OSBPL1A: variants seen among roughly 807,000 people sequenced by gnomAD.
OSBPL1A encodes oxysterol binding protein like 1A, also known as oxysterol-binding protein-related protein 1.
In OSBPL1A, 80 loss-of-function variants were observed where a neutral mutation model predicts 137.1. The observed-to-expected ratio is 0.58, with a 90% confidence interval of 0.49 to 0.70. The LOEUF (loss-of-function observed/expected upper bound fraction) is 0.70, where lower values mean the gene tolerates loss of function less well. Among genes scored for constraint, OSBPL1A ranks in the 30% least tolerant of loss-of-function variants. The pLI, the probability that OSBPL1A is intolerant of heterozygous loss-of-function variation, is 0.00. For missense variants in OSBPL1A, 970 were observed against 1,129.4 expected, an observed-to-expected ratio of 0.86 and a Z score of 2.02; for synonymous variants, 365 against 389.7, an observed-to-expected ratio of 0.94 and a Z score of 0.75.
At chr18:24,311,552 A>G (rs1223191320) in intron 13 of OSBPL1A, 1 of 966,812 alleles carries the variant, frequency 1.0e-6, no homozygotes, top group African/African-American at 1.8e-5. Context: ...CAACCAAGCT[A>G]CAGATTACAA....
intron 15 of OSBPL1A, among the ~76,000 whole-genome samples, chr18:24,280,103 G>A (rs1250881422): frequency 4.6e-5 from 7 of 152,102 alleles, no homozygotes; most frequent in Admixed American, 2.6e-4. Flanking sequence ...GCGCCACCAC[G>A]CCTGGCTAAT....
At chr18:24,377,046 T>C (rs1001620497) in intron 2 of OSBPL1A, among the ~76,000 whole-genome samples, 1 of 152,198 alleles carries the variant, frequency 6.6e-6, no homozygotes, top group Admixed American at 6.5e-5. Flanking sequence ...AGTGCAGCGA[T>C]GGGCTGAAGG....
At position 24,167,481 on chromosome 18, in the gene OSBPL1A, A is replaced by C. The variant is rs376586496; in HGVS notation, c.2419-36T>G. 6.9e-5 allele frequency: 108 copies of C among 1,561,942 alleles called. 1 individual carries two copies. The highest frequency in any genetic ancestry group is 9.4e-5 in the Non-Finnish European group (106 of 1,132,544). On this transcript the variant is annotated intron_variant, in intron 24 of 27. Coordinates refer to ENST00000319481, the MANE Select transcript of OSBPL1A (RefSeq NM_080597.4). The stretch of plus-strand genomic sequence containing the variant: ...CAATCAATGAACAAAATTTAAGTAG[A>C]AAGTTTTAAGATACAGTCAAGCACC...
At chr18:24,171,315 A>G in intron 23 of OSBPL1A, 94 bp downstream of exon 23, 1 of 947,188 alleles carries the variant, frequency 1.1e-6, no homozygotes, top group South Asian at 1.6e-5. Flanking sequence ...TATAGGTGTG[A>G]GCCACTGTGC....
intron 15 of OSBPL1A, among the ~76,000 whole-genome samples, chr18:24,256,562 A>C (rs1395520620): frequency 6.6e-6 from 1 of 152,218 alleles, no homozygotes; most frequent in Non-Finnish European, 1.5e-5. Flanking sequence ...GGAACACAAC[A>C]AACGTTCACT....
chr18:24,253,167 C>A (rs55639059), intron 15 of OSBPL1A, among the ~76,000 whole-genome samples: 1 of 95,042 alleles, frequency 1.1e-5, no homozygotes, highest in African/African-American at 3.3e-5. Context: ...AAAGACATGG[C>A]GGGGGGGGGC....
chr18:24,241,364 T>A (rs906836323), intron 15 of OSBPL1A, among the ~76,000 whole-genome samples: 1 of 152,200 alleles, frequency 6.6e-6, no homozygotes, highest in Non-Finnish European at 1.5e-5. Context: ...GAGAAAATTT[T>A]TGCAATCTAT....
At chr18:24,396,940 C>T (rs1194089770) in intron 1 of OSBPL1A, among the ~76,000 whole-genome samples, 1 of 151,080 alleles carries the variant, frequency 6.6e-6, no homozygotes, top group Non-Finnish European at 1.5e-5. Flanking sequence ...TAACTATTCA[C>T]AGACACCTAA....
intron 16 of OSBPL1A, among the ~76,000 whole-genome samples, chr18:24,235,155 G>C (rs1234742398): frequency 2.6e-5 from 4 of 152,164 alleles, no homozygotes; most frequent in Non-Finnish European, 2.9e-5. Context: ...GTCAACAAAG[G>C]ATCACCATGG....
At chr18:24,352,904 C>T (rs1170276029) in intron 4 of OSBPL1A, among the ~76,000 whole-genome samples, 2 of 152,084 alleles carry the variant, frequency 1.3e-5, no homozygotes, top group East Asian at 1.9e-4. Context: ...ACACCTTATA[C>T]AAAAATTAAT....
At chr18:24,299,628 CT>C (rs1300558185) in intron 14 of OSBPL1A, among the ~76,000 whole-genome samples, 1 of 152,130 alleles carries the variant, frequency 6.6e-6, no homozygotes, top group Non-Finnish European at 1.5e-5. Context: ...AAGAAGTCTA[CT>C]GTTAATCATC....
intron 4 of OSBPL1A, among the ~76,000 whole-genome samples, chr18:24,363,626 C>T (rs527494951): frequency 6.0e-5 from 9 of 148,918 alleles, no homozygotes; most frequent in African/African-American, 2.0e-4. Flanking sequence ...CTTTTCTTTT[C>T]CCTTCCTTCC....
At chr18:24,313,719 T>C (rs561936089) in intron 12 of OSBPL1A, among the ~76,000 whole-genome samples, 39 of 152,300 alleles carry the variant, frequency 2.6e-4, no homozygotes, top group Non-Finnish European at 4.0e-4. Flanking sequence ...AGAATTAAAA[T>C]TGAAAAACAA....
intron 18 of OSBPL1A, among the ~76,000 whole-genome samples, chr18:24,187,794 T>C (rs1375733653): frequency 6.6e-6 from 1 of 152,180 alleles, no homozygotes. Context: ...CATAGGGACC[T>C]GGGCTTAAAA....
intron 1 of OSBPL1A, among the ~76,000 whole-genome samples, chr18:24,396,602 C>G (rs1347944777): frequency 1.3e-5 from 2 of 150,676 alleles, no homozygotes; most frequent in Non-Finnish European, 2.9e-5. Flanking sequence ...CAAAGCCCAC[C>G]TAGTGGTTTA....
intron 7 of OSBPL1A, among the ~76,000 whole-genome samples, chr18:24,320,099 G>T (rs991805718): frequency 1.3e-5 from 2 of 151,984 alleles, no homozygotes; most frequent in African/African-American, 4.8e-5. Flanking sequence ...AAACAAAAAG[G>T]GGGGCTGGGG....
intron 14 of OSBPL1A, among the ~76,000 whole-genome samples, chr18:24,300,348 C>A (rs544550309): frequency 6.6e-6 from 1 of 152,210 alleles, no homozygotes; most frequent in Non-Finnish European, 1.5e-5. Context: ...CTATGAAAAT[C>A]TTTAAATGCC....
chr18:24,203,065 C>A (rs889678642), intron 17 of OSBPL1A, among the ~76,000 whole-genome samples: 2 of 152,188 alleles, frequency 1.3e-5, no homozygotes, highest in Non-Finnish European at 2.9e-5. Context: ...GCAACCTCCA[C>A]CTCCTGGGTT....
chr18:24,173,555 G>A (rs2086349377), intron 21 of OSBPL1A, among the ~76,000 whole-genome samples: 1 of 152,122 alleles, frequency 6.6e-6, no homozygotes, highest in African/African-American at 2.4e-5. Context: ...TGGGACTACA[G>A]GCACGTGCCA....
Sources: allele counts gnomAD v4.1 joint callset (sites outside exome capture counted in the v4.1 genomes callset), GRCh38; gene constraint gnomAD v4.1.1; transcripts MANE v1.5; gene names NCBI Gene and HGNC (gene_info 2026-07-23, HGNC 2026-07-21).